The following HLCS variants were observed in gnomAD, a reference collection of about 807,000 sequenced individuals.
HLCS encodes biotin--protein ligase.
A neutral mutation model predicts 75.0 loss-of-function variants in HLCS; 53 were observed. That is an observed-to-expected ratio of 0.71 (90% confidence interval 0.57 to 0.89). The LOEUF (loss-of-function observed/expected upper bound fraction) is 0.89, where lower values mean the gene tolerates loss of function less well. Ranked by LOEUF, HLCS falls within the 40% of genes least tolerant of loss-of-function variation. The probability of loss-of-function intolerance (pLI) is 0.00; values close to 1 mark genes in which losing one functional copy is unlikely to be tolerated. For missense variants in HLCS, 966 were observed against 1,074.0 expected, an observed-to-expected ratio of 0.90 and a Z score of 1.41; for synonymous variants, 431 against 428.6, an observed-to-expected ratio of 1.01 and a Z score of -0.07.
chr21:36,910,900 C>T (rs985033737), intron 5 of HLCS, among the ~76,000 whole-genome samples: 2 of 152,120 alleles, frequency 1.3e-5, no homozygotes, highest in Admixed American at 6.5e-5. Context: ...CTGCCACTAG[C>T]CCCAAGCACC....
In HLCS at chr21:36,750,732, G is replaced by A. The variant is rs1048683061; in HGVS notation, c.*3514C>T. Among the ~76,000 whole-genome samples, 2 of 150,764 alleles carry A rather than the reference G, an allele frequency of 1.3e-5. No homozygotes were observed. The highest frequency in any genetic ancestry group is 4.9e-5 in the African/African-American group (2 of 40,854). ...GTAGCTTGGAATTTTAGTGAATCAT[G>A]GCCCTTGTGTTATCTAGAATGCTAA... On this transcript the variant is annotated 3_prime_UTR_variant, in exon 11 of 11. Coordinates refer to ENST00000674895, the MANE Select transcript of HLCS (RefSeq NM_001352514.2).
intron 6 of HLCS, among the ~76,000 whole-genome samples, chr21:36,836,933 C>T (rs999398794): frequency 6.6e-6 from 1 of 152,032 alleles, no homozygotes; most frequent in Non-Finnish European, 1.5e-5. Flanking sequence ...GCCTGTAATC[C>T]AGCACTTTGG....
chr21:36,782,277 T>C (rs60129905), intron 6 of HLCS, among the ~76,000 whole-genome samples: 6,747 of 152,278 alleles, frequency 0.044, 518 homozygotes, highest in African/African-American at 0.15. Flanking sequence ...CCAATGATCC[T>C]GTAGGAAAAT....
intron 2 of HLCS, among the ~76,000 whole-genome samples, chr21:36,945,118 T>A (rs539680566): frequency 2.1e-4 from 32 of 152,026 alleles, no homozygotes; most frequent in Middle Eastern, 6.8e-3. Context: ...AGACTCTATC[T>A]CAAAAAAATA....
chr21:36,806,569 T>C (rs1237534499), intron 6 of HLCS, among the ~76,000 whole-genome samples: 3 of 151,822 alleles, frequency 2.0e-5, no homozygotes, highest in Admixed American at 6.6e-5. Context: ...GATGGAAAGA[T>C]GAAGAAATGG....
intron 6 of HLCS, among the ~76,000 whole-genome samples, chr21:36,781,332 G>T (rs1219681964): frequency 3.3e-5 from 5 of 151,460 alleles, no homozygotes; most frequent in Non-Finnish European, 7.4e-5. Context: ...AACTTGGGGA[G>T]AACTGACCAT....
rs376399273 is a variant in HLCS at position 36,842,596 on chromosome 21, G to A, written c.1892+54264C>T. 9.1e-4 allele frequency among the ~76,000 whole-genome samples: 139 copies of A among 152,110 alleles called. 1 individual carries two copies. The highest frequency in any genetic ancestry group is 3.2e-3 in the African/African-American group (133 of 41,508). On this transcript the variant is annotated intron_variant, in intron 6 of 10. Coordinates refer to ENST00000674895, the MANE Select transcript of HLCS (RefSeq NM_001352514.2). This position sits in a 1 kb window ranked among gnomAD's most constrained non-coding sequence, Gnocchi z 4.2. ...TTCTACTAAAAATACAAAAGAAGTT[G>A]GCTGGGTGTGGTGACGCACGCCTGT...
Position 36,756,574 on chromosome 21 carries a change from G to C in HLCS, c.2418C>G (p.Val806=), listed in dbSNP as rs759416272. ...CCCAGTATCGGTAATAAAGGGGAAG[G>C]ACGCTGTTGGGCCCTTTGTCCTGAA... ...KEFQDKGPNS[V]LPLYYRYWVH... The change falls in exon 10 of 11, where the codon GTC becomes GTG. Residue 806 remains valine, a synonymous_variant. Transcript: ENST00000674895. 1.1e-5 allele frequency: 18 copies of C among 1,613,636 alleles called. No homozygotes were observed. The highest frequency in any genetic ancestry group is 1.4e-5 in the Non-Finnish European group (17 of 1,179,900).
In HLCS at chr21:36,749,605, G is replaced by A. The variant is rs184620015; in HGVS notation, c.*4641C>T. On this transcript the variant is annotated 3_prime_UTR_variant, in exon 11 of 11. Coordinates refer to ENST00000674895, the MANE Select transcript of HLCS (RefSeq NM_001352514.2). ...AAGGGGCTGGATGGTAGGAAGGGAT[G>A]TGCCCGCCTCTCCACGCACTCAGCT... 3.9e-5 allele frequency: 6 copies of A among 152,162 alleles called. No homozygotes were observed. The highest frequency in any genetic ancestry group is 2.6e-4 in the Admixed American group (4 of 15,290). 9.4% of individuals were successfully genotyped at this position (152,162 alleles called of 1,614,324 possible).
chr21:36,829,532 G>A lies in HLCS; in HGVS notation c.1893-62247C>T, dbSNP rs911620849. On this transcript the variant is annotated intron_variant, in intron 6 of 10. Coordinates refer to ENST00000674895, the MANE Select transcript of HLCS (RefSeq NM_001352514.2). ...TACTATAAATATTGTCATATTACTAGATATTACTGAATATTAATATACTAT... is the reference window on the plus strand; with the variant it reads ...TACTATAAATATTGTCATATTACTAAATATTACTGAATATTAATATACTAT... Among the ~76,000 whole-genome samples, 7 of 152,030 alleles carry A rather than the reference G, an allele frequency of 4.6e-5. No homozygotes were observed. The East Asian group carries it at 1.3e-3, about 29-fold the overall frequency.
At chr21:36,881,529 C>T (rs533236867) in intron 6 of HLCS, among the ~76,000 whole-genome samples, 7 of 152,322 alleles carry the variant, frequency 4.6e-5, no homozygotes, top group African/African-American at 1.7e-4. Flanking sequence ...GGATGCATGC[C>T]AACCAGAGGG....
At chr21:36,958,253 A>AAAGAAAG (rs1555969613) in intron 2 of HLCS, among the ~76,000 whole-genome samples, 2,796 of 135,822 alleles carry the variant, frequency 0.021, 41 homozygotes, top group Middle Eastern at 0.06. Context: ...AAAAAAAAAA[A>AAAGAAAG]AAAGAAAGAA....
chr21:36,888,742 G>A (rs1569150531), intron 6 of HLCS, among the ~76,000 whole-genome samples: 1 of 151,514 alleles, frequency 6.6e-6, no homozygotes, highest in East Asian at 1.9e-4. Context: ...GTGTTCCAAC[G>A]CCCCTGATCT....
chr21:36,989,793 C>G (rs1020737649), intron 1 of HLCS, among the ~76,000 whole-genome samples: 6 of 152,166 alleles, frequency 3.9e-5, no homozygotes, highest in African/African-American at 1.4e-4. Context: ...GCGGGGCACG[C>G]GGCCAGGGGC....
At chr21:36,861,526 T>C (rs76154615) in intron 6 of HLCS, among the ~76,000 whole-genome samples, 2 of 152,174 alleles carry the variant, frequency 1.3e-5, no homozygotes, top group East Asian at 3.9e-4. Context: ...GATTTTTTCC[T>C]GATCCTCTCC....
intron 6 of HLCS, among the ~76,000 whole-genome samples, chr21:36,793,988 G>A (rs2060951725): frequency 6.6e-6 from 1 of 152,256 alleles, no homozygotes; most frequent in South Asian, 2.1e-4. Context: ...AGCACCCTGT[G>A]AATGTGCTTT....
chr21:36,877,680 A>G (rs2064038556), intron 6 of HLCS, among the ~76,000 whole-genome samples: 1 of 152,122 alleles, frequency 6.6e-6, no homozygotes, highest in African/African-American at 2.4e-5. Flanking sequence ...TTGTCCAGAG[A>G]GCATTCCTTC....
chr21:36,870,677 A>T (rs2063738985), intron 6 of HLCS, among the ~76,000 whole-genome samples: 1 of 152,224 alleles, frequency 6.6e-6, no homozygotes, highest in Non-Finnish European at 1.5e-5. Flanking sequence ...AGGGGGCTTC[A>T]TGACAAAACA....
At chr21:36,849,343 T>C (rs1021003434) in intron 6 of HLCS, among the ~76,000 whole-genome samples, 1 of 152,252 alleles carries the variant, frequency 6.6e-6, no homozygotes, top group Non-Finnish European at 1.5e-5. Context: ...TAGATTTTAC[T>C]TGCATCAAAA....
Sources: allele counts gnomAD v4.1 joint callset (sites outside exome capture counted in the v4.1 genomes callset), GRCh38; gene constraint gnomAD v4.1.1; non-coding constraint Gnocchi (gnomAD v3.1); transcripts MANE v1.5; gene names NCBI Gene and HGNC (gene_info 2026-07-23, HGNC 2026-07-21).